Variants in NHSL1 observed in about 807,000 individuals in gnomAD.
NHSL1 encodes the protein NHS-like protein 1.
Under a neutral mutation model 95.0 loss-of-function variants are expected in NHSL1, and 48 were observed. The observed-to-expected ratio is 0.51, with a 90% confidence interval of 0.40 to 0.64. The LOEUF (loss-of-function observed/expected upper bound fraction) is 0.64, where lower values mean the gene tolerates loss of function less well. Ranked by LOEUF, NHSL1 falls within the 30% of genes least tolerant of loss-of-function variation. The probability of loss-of-function intolerance (pLI) is 0.00; values close to 1 mark genes in which losing one functional copy is unlikely to be tolerated. For missense variants in NHSL1, 1,971 were observed against 2,077.7 expected (o/e 0.95, Z 1.00); for synonymous variants, 783 against 833.9 (o/e 0.94, Z 1.05).
At position 138,683,105 on chromosome 6, in the gene NHSL1, A is replaced by G. The variant is rs77163598; in HGVS notation, c.96+9371T>C. On this transcript the variant is annotated intron_variant, in intron 1 of 3. Transcript: ENST00000491526. ...GGGGCGAGAGGGCTCTGTGAAAGCA[A>G]GCCCATGTCCATGTCCATAAAAAGG... Among the ~76,000 whole-genome samples the G allele has an allele frequency of 3.0e-3, 460 of 152,256 alleles. 16 individuals carry two copies. In the East Asian group the frequency reaches 0.087, roughly 29 times the overall value.
At chr6:138,511,432 G>C (rs1423375993) in intron 1 of NHSL1, among the ~76,000 whole-genome samples, 1 of 151,870 alleles carries the variant, frequency 6.6e-6, no homozygotes, top group Non-Finnish European at 1.5e-5. Context: ...GTGAGAGAGA[G>C]TGTGTATGTG....
chr6:138,577,414 A>G (rs924574396), upstream of NHSL1, among the ~76,000 whole-genome samples: 12 of 152,212 alleles, frequency 7.9e-5, no homozygotes, highest in African/African-American at 2.2e-4. Flanking sequence ...CAAAGAGAAC[A>G]AGAGAGGCAG....
At chr6:138,667,467 T>TA (rs908794362) in intron 1 of NHSL1, among the ~76,000 whole-genome samples, 2 of 152,162 alleles carry the variant, frequency 1.3e-5, no homozygotes, top group African/African-American at 4.8e-5. Flanking sequence ...AAGCTGTATA[T>TA]AAAAAATTAA....
intron 1 of NHSL1, among the ~76,000 whole-genome samples, chr6:138,533,393 T>A (rs183754008): frequency 1.3e-5 from 2 of 152,042 alleles, no homozygotes; most frequent in Admixed American, 1.3e-4. Flanking sequence ...AGAAACCCCG[T>A]CTCTACTAAA....
At chr6:138,534,744 T>C (rs779329348) in intron 1 of NHSL1, among the ~76,000 whole-genome samples, 13 of 152,116 alleles carry the variant, frequency 8.5e-5, no homozygotes, top group Non-Finnish European at 1.6e-4. Flanking sequence ...AGTACACAGA[T>C]TGCCACTTTT....
rs1562263393 is a variant in NHSL1 at position 138,432,666 on chromosome 6, T to G, written c.1679A>C (p.Asn560Thr). The part of the protein sequence containing the change: ...SEPWEYKSSG[N>T]GRASPLKPHL... Reference sequence around the variant, plus strand: ...CGGCTTCAGGGGGGATGCCCTTCCATTACCTGAGGATTTGTATTCCCAGGG... The same window carrying G: ...CGGCTTCAGGGGGGATGCCCTTCCAGTACCTGAGGATTTGTATTCCCAGGG... Residue 560 changes from asparagine (N) to threonine (T), a missense_variant, in exon 6 of 8, where the codon AAT becomes ACT. By Grantham distance (65) the Asn-to-Thr change is moderately conservative (BLOSUM62 0). Around this residue, in one of 3 missense-constraint regions of NHSL1, gnomAD observed 1,602 missense variants for 1,654.5 expected, o/e 0.97. Coordinates refer to ENST00000343505, the MANE Select transcript of NHSL1 (RefSeq NM_001144060.2). This position sits in a 1 kb window ranked among gnomAD's most constrained non-coding sequence, Gnocchi z 4.4. 3 of 1,551,582 alleles carry G rather than the reference T, an allele frequency of 1.9e-6. No homozygotes were observed. Among genetic ancestry groups the G allele is most frequent in the Non-Finnish European group, 2.6e-6 (3 of 1,146,990 alleles).
intron 1 of NHSL1, among the ~76,000 whole-genome samples, chr6:138,613,656 C>A (rs772579230): frequency 1.3e-5 from 2 of 152,194 alleles, no homozygotes; most frequent in African/African-American, 4.8e-5. Flanking sequence ...GCCTTCAGTG[C>A]TAGTGGGGCC....
intron 2 of NHSL1, among the ~76,000 whole-genome samples, chr6:138,482,774 T>C (rs981843139): frequency 6.6e-6 from 1 of 152,142 alleles, no homozygotes; most frequent in African/African-American, 2.4e-5. Flanking sequence ...GGTAGCTGTG[T>C]CTTGGAATCC....
At chr6:138,497,745 T>C (rs961761807) in intron 1 of NHSL1, among the ~76,000 whole-genome samples, 5 of 152,208 alleles carry the variant, frequency 3.3e-5, no homozygotes, top group Non-Finnish European at 7.3e-5. Flanking sequence ...TCACTGTCTC[T>C]TGTAAACCTG....
In NHSL1 at chr6:138,499,319, A is replaced by G. The variant is rs987560348; in HGVS notation, c.-29T>C. ...CAGGGCACCTACATAGAGCTTAGAA[A>G]TGTAAATCACATTAAAAGCTCAGCC... On this transcript the variant is annotated 5_prime_UTR_variant, in exon 1 of 8. Transcript: ENST00000343505. 5.2e-6 allele frequency: 8 copies of G among 1,549,406 alleles called. No individual in the cohort carries two copies. The African/African-American group carries it at 6.9e-5, about 13-fold the overall frequency.
At chr6:138,464,710 C>CTTT (rs1388677216) in intron 3 of NHSL1, among the ~76,000 whole-genome samples, 3 of 111,716 alleles carry the variant, frequency 2.7e-5, no homozygotes, top group African/African-American at 1.3e-4. Context: ...TTTTTTTTTT[C>CTTT]TTTTCTTTTT....
chr6:138,444,735 C>A (rs1365583721), intron 4 of NHSL1, among the ~76,000 whole-genome samples: 1 of 152,058 alleles, frequency 6.6e-6, no homozygotes, highest in East Asian at 1.9e-4. Context: ...ATTTAAAGAG[C>A]AGGAAGCTGT....
intron 2 of NHSL1, among the ~76,000 whole-genome samples, chr6:138,489,601 C>T (rs887547182): frequency 3.3e-5 from 5 of 151,228 alleles, no homozygotes; most frequent in Non-Finnish European, 5.9e-5. Flanking sequence ...CCTATCTCTA[C>T]AAATACAAAA....
chr6:138,552,359 GC>G, intron 1 of NHSL1, among the ~76,000 whole-genome samples: 1 of 152,254 alleles, frequency 6.6e-6, no homozygotes, highest in South Asian at 2.1e-4. Context: ...GGTGGAGGTT[GC>G]AGTGAGCTGA....
intron 3 of NHSL1, among the ~76,000 whole-genome samples, chr6:138,470,839 AG>A (rs1345215703): frequency 2.6e-5 from 4 of 152,096 alleles, no homozygotes; most frequent in Non-Finnish European, 5.9e-5. Context: ...GGTCCCAAGG[AG>A]ACCTGTCAAG....
At position 138,432,240 on chromosome 6, in the gene NHSL1, G is replaced by A; in HGVS notation, c.2105C>T (p.Ala702Val). 4 of 1,549,252 alleles carry A rather than the reference G, an allele frequency of 2.6e-6. No homozygotes were observed. Among genetic ancestry groups the A allele is most frequent in the Non-Finnish European group, 3.5e-6 (4 of 1,145,678 alleles). The change falls in exon 6 of 8, where the codon GCC becomes GTC. Residue 702 changes from alanine to valine, a missense_variant. Coordinates refer to ENST00000343505, the MANE Select transcript of NHSL1 (RefSeq NM_001144060.2). The surrounding 1 kb of genome is among the most constrained non-coding windows in gnomAD (Gnocchi z 4.4). ...CAGCTGCAGCGAGTGCTGGAGTGTGGCGATCAGGCTCTCGTTGAGCACCTG... is the reference window on the plus strand; with the variant it reads ...CAGCTGCAGCGAGTGCTGGAGTGTGACGATCAGGCTCTCGTTGAGCACCTG... Reference protein sequence around the residue: ...NGQVLNESLIATLQHSLQLSL... With the variant: ...NGQVLNESLIVTLQHSLQLSL...
At chr6:138,559,469 C>T (rs959417048) in intron 1 of NHSL1, among the ~76,000 whole-genome samples, 3 of 152,180 alleles carry the variant, frequency 2.0e-5, no homozygotes, top group Admixed American at 6.5e-5. Flanking sequence ...AAAAGGACTT[C>T]CTATGGTGGA....
At chr6:138,501,071 C>T (rs1229311888), upstream of NHSL1, among the ~76,000 whole-genome samples, 1 of 152,146 alleles carries the variant, frequency 6.6e-6, no homozygotes, top group Non-Finnish European at 1.5e-5. Context: ...GAGTTGTGGG[C>T]AAAAACACTC....
At chr6:138,674,516 G>A (rs933015867) in intron 1 of NHSL1, among the ~76,000 whole-genome samples, 1 of 152,018 alleles carries the variant, frequency 6.6e-6, no homozygotes, top group East Asian at 1.9e-4. Flanking sequence ...TCCCCTCCCT[G>A]TGTCCATGTA....
Sources: allele counts gnomAD v4.1 joint callset (sites outside exome capture counted in the v4.1 genomes callset), GRCh38; gene constraint gnomAD v4.1.1; regional missense constraint gnomAD v4.1.1; non-coding constraint Gnocchi (gnomAD v3.1); transcripts MANE v1.5; gene names NCBI Gene and HGNC (gene_info 2026-07-23, HGNC 2026-07-21).